CENPO: variants seen among roughly 807,000 people sequenced by gnomAD.
The protein encoded by CENPO is centromeric protein O.
In CENPO, 30 loss-of-function variants were observed where a neutral mutation model predicts 36.1. That is an observed-to-expected ratio of 0.83 (90% CI 0.62 to 1.13). The LOEUF (loss-of-function observed/expected upper bound fraction) is 1.13. CENPO is among the 50% of genes most tolerant of loss of function. The pLI, the probability that CENPO is intolerant of heterozygous loss-of-function variation, is 0.00. For missense variants in CENPO, 349 were observed against 357.8 expected, an observed-to-expected ratio of 0.98 and a Z score of 0.20; for synonymous variants, 171 against 142.3, an observed-to-expected ratio of 1.20 and a Z score of -1.44.
Position 24,802,235 on chromosome 2 carries a change from A to G in CENPO, c.216+2391A>G, listed in dbSNP as rs373605752. 4.2e-3 allele frequency among the ~76,000 whole-genome samples: 642 copies of G among 152,166 alleles called. 11 individuals are homozygous for G. The highest frequency in any genetic ancestry group is 0.01 in the Admixed American group (155 of 15,280). On this transcript the variant is annotated intron_variant, in intron 3 of 7. Coordinates refer to ENST00000380834, the MANE Select transcript of CENPO (RefSeq NM_001322101.2). The stretch of plus-strand genomic sequence containing the variant: ...GCTTAAGGAGATTTTGGGCTGAGAC[A>G]ATGGGGTTTTCTAGATATACAATCA...
rs374613429 is a variant in CENPO, at chr2:24,821,919, T to C, written c.*2601T>C. The C allele has an allele frequency of 8.2e-4, 322 of 392,192 alleles. 2 individuals are homozygous for C. The South Asian group carries it at 0.01, about 12-fold the overall frequency. 24.3% of individuals were successfully genotyped at this position (392,192 alleles called of 1,614,324 possible). Reference sequence around the variant, plus strand: ...ACCCCTTCACCTTGGCTGGGCCTGGTCCTGGTCCTTAGGTTTTGTCAGGTT... The same window carrying C: ...ACCCCTTCACCTTGGCTGGGCCTGGCCCTGGTCCTTAGGTTTTGTCAGGTT... On this transcript the variant is annotated 3_prime_UTR_variant, in exon 8 of 8. Transcript: ENST00000380834.
intron 2 of CENPO, among the ~76,000 whole-genome samples, chr2:24,798,483 T>C (rs1666014156): frequency 6.6e-6 from 1 of 152,142 alleles, no homozygotes. Flanking sequence ...TTTTTTTTTT[T>C]TGAGACGGAG....
chr2:24,803,680 T>G (rs2148264432), intron 3 of CENPO, among the ~76,000 whole-genome samples: 1 of 152,400 alleles, frequency 6.6e-6, no homozygotes, highest in South Asian at 2.1e-4. Context: ...TTGATTGCAC[T>G]GTCGTCTGAG....
At chr2:24,806,971 G>C (rs1382672373) in intron 3 of CENPO, among the ~76,000 whole-genome samples, 1 of 152,190 alleles carries the variant, frequency 6.6e-6, no homozygotes, top group East Asian at 1.9e-4. Context: ...GATTATGACA[G>C]TAGTCTGCCA....
At position 24,817,790 on chromosome 2, in the gene CENPO, T is replaced by G; in HGVS notation, c.887T>G (p.Met296Arg). The G allele has an allele frequency of 6.2e-7, 1 of 1,614,210 alleles. No individual in the cohort carries two copies. The highest frequency in any genetic ancestry group is 1.1e-5 in the South Asian group (1 of 91,084). ...SFTRKGEKLD[M>R]SLVS ...ACAAGAAAAGGAGAAAAGTTGGATA[T>G]GAGTCTGGTCTCCTAATAGATTGTT... Residue 296 changes from methionine to arginine, a missense_variant, in exon 7 of 8, where the codon ATG becomes AGG. Coordinates refer to ENST00000380834, the MANE Select transcript of CENPO (RefSeq NM_001322101.2).
Position 24,815,604 on chromosome 2 carries a change from C to G in CENPO, c.442C>G (p.Leu148Val). The change falls in exon 5 of 8, where the codon CTC becomes GTC. Residue 148 changes from leucine to valine, a missense_variant. Coordinates refer to ENST00000380834, the MANE Select transcript of CENPO (RefSeq NM_001322101.2). Reference sequence around the variant, plus strand: ...TGTGGACCTTGTCATACAGAAACCACTCCGGATACATCACCATTCAGTCCC... The same window carrying G: ...TGTGGACCTTGTCATACAGAAACCAGTCCGGATACATCACCATTCAGTCCC... ...YFVDLVIQKP[L>V]RIHHHSVPVF... The G allele has an allele frequency of 6.2e-7, 1 of 1,614,114 alleles. No homozygotes were observed. Among genetic ancestry groups the G allele is most frequent in the Non-Finnish European group, 8.5e-7 (1 of 1,179,962 alleles).
At position 24,817,578 on chromosome 2, in the gene CENPO, C is replaced by T. The variant is rs1667011608; in HGVS notation, c.767-92C>T. 4 of 1,531,164 alleles carry T rather than the reference C, an allele frequency of 2.6e-6. No homozygotes were observed. The African/African-American group carries it at 4.1e-5, about 16-fold the overall frequency. 94.8% of individuals were successfully genotyped at this position (1,531,164 alleles called of 1,614,324 possible). A position where few individuals can be genotyped will look rare whatever the true frequency, so the allele number is the denominator to read the frequency against. Reference sequence around the variant, plus strand: ...TGTCAGTGATCCAGGCTCCGATTCCCCCAGCTGCACTGAATGAGATTGAAT... The same window carrying T: ...TGTCAGTGATCCAGGCTCCGATTCCTCCAGCTGCACTGAATGAGATTGAAT... On this transcript the variant is annotated intron_variant, in intron 6 of 7. Transcript: ENST00000380834.
intron 6 of CENPO, among the ~76,000 whole-genome samples, 170 bp from the exon 7 acceptor site, chr2:24,817,500 G>C (rs1667004643): frequency 1.4e-5 from 2 of 141,308 alleles, no homozygotes; most frequent in African/African-American, 5.8e-5. Context: ...AGTGGGTCCA[G>C]AATATCAGTG....
intron 1 of CENPO, 145 bp downstream of exon 1, chr2:24,793,646 C>T (rs1558365353): frequency 3.1e-6 from 4 of 1,305,538 alleles, no homozygotes; most frequent in Non-Finnish European, 4.1e-6. Context: ...GGGAGCGCGC[C>T]GGGGCCGCGG....
At chr2:24,815,454 C>T (rs1572744244) in intron 4 of CENPO, 43 bp from the exon 5 acceptor site, 1 of 1,572,956 alleles carries the variant, frequency 6.4e-7, no homozygotes, top group Non-Finnish European at 8.7e-7. Context: ...TAAGACATCA[C>T]CTTGGCCTGC....
chr2:24,803,885 G>C (rs1666263302), intron 3 of CENPO, among the ~76,000 whole-genome samples: 1 of 152,174 alleles, frequency 6.6e-6, no homozygotes. Context: ...GGATATCCTT[G>C]TTAACTTTCT....
At chr2:24,804,529 C>G (rs1372528191) in intron 3 of CENPO, among the ~76,000 whole-genome samples, 1 of 152,076 alleles carries the variant, frequency 6.6e-6, no homozygotes, top group Non-Finnish European at 1.5e-5. Context: ...CTGGTGGTGA[C>G]AAAATCTCTC....
At chr2:24,799,135 T>C (rs542006458) in intron 2 of CENPO, among the ~76,000 whole-genome samples, 1 of 152,150 alleles carries the variant, frequency 6.6e-6, no homozygotes, top group East Asian at 1.9e-4. Context: ...TAGCTGGGAT[T>C]ACAGGCATGC....
chr2:24,815,611 T>C lies in CENPO; in HGVS notation c.449T>C (p.Ile150Thr). Residue 150 changes from isoleucine to threonine, a missense_variant, in exon 5 of 8, where the codon ATA becomes ACA. Physicochemically the swap from Ile to Thr is moderately conservative, Grantham distance 89. Transcript: ENST00000380834. ...CTTGTCATACAGAAACCACTCCGGA[T>C]ACATCACCATTCAGTCCCAGTCTTC... ...VDLVIQKPLR[I>T]HHHSVPVFIP... 2 of 1,614,176 alleles carry C rather than the reference T, an allele frequency of 1.2e-6. No individual in the cohort carries two copies. The highest frequency in any genetic ancestry group is 1.7e-6 in the Non-Finnish European group (2 of 1,180,004).
chr2:24,818,361 A>T (rs1253161461), intron 7 of CENPO, among the ~76,000 whole-genome samples: 1 of 152,148 alleles, frequency 6.6e-6, no homozygotes, highest in Non-Finnish European at 1.5e-5. Context: ...TAATGAAGAT[A>T]ATAAGGAAGA....
chr2:24,822,100 G>C lies in CENPO; in HGVS notation c.*2782G>C. 5.3e-6 allele frequency: 1 copy of C among 189,214 alleles called. No homozygotes were observed. Among genetic ancestry groups the C allele is most frequent in the Admixed American group, 5.5e-5 (1 of 18,302 alleles). The allele number at this position is 189,214 out of a possible 1,614,324, so 11.7% of individuals were successfully genotyped here. A position where few individuals can be genotyped will look rare whatever the true frequency, so the allele number is the denominator to read the frequency against. On this transcript the variant is annotated 3_prime_UTR_variant, in exon 8 of 8. Coordinates refer to ENST00000380834, the MANE Select transcript of CENPO (RefSeq NM_001322101.2). Reference sequence around the variant, plus strand: ...TTTTAAGACCAGAGCTTGGGACCAGGGCTCCTACACCTAATTTTCTCTCCT... The same window carrying C: ...TTTTAAGACCAGAGCTTGGGACCAGCGCTCCTACACCTAATTTTCTCTCCT...
chr2:24,799,328 A>ATTGC (rs1441989050), intron 2 of CENPO, among the ~76,000 whole-genome samples: 1 of 152,060 alleles, frequency 6.6e-6, no homozygotes, highest in Admixed American at 6.5e-5. Flanking sequence ...CCTGTGGTAA[A>ATTGC]GCTAGAGAAT....
At chr2:24,814,075 C>G (rs998169793) in intron 3 of CENPO, among the ~76,000 whole-genome samples, 5 of 152,162 alleles carry the variant, frequency 3.3e-5, no homozygotes, top group African/African-American at 9.7e-5. Context: ...TTGTGTCCAC[C>G]CTGTGCTTAG....
In CENPO at chr2:24,822,300, G is replaced by T; in HGVS notation, c.*2982G>T. On this transcript the variant is annotated 3_prime_UTR_variant, in exon 8 of 8. Transcript: ENST00000380834. Reference sequence around the variant, plus strand: ...CACAACCATCTTAGGCCTGAGCTGTGAACAGCAGGGGGTTGTGTGTCTGTT... The same window carrying T: ...CACAACCATCTTAGGCCTGAGCTGTTAACAGCAGGGGGTTGTGTGTCTGTT... 1 of 617,504 alleles carries T rather than the reference G, an allele frequency of 1.6e-6. No homozygotes were observed. The highest frequency in any genetic ancestry group is 2.7e-6 in the Non-Finnish European group (1 of 373,102). 38.3% of individuals were successfully genotyped at this position (617,504 alleles called of 1,614,324 possible).
Sources: allele counts gnomAD v4.1 joint callset (sites outside exome capture counted in the v4.1 genomes callset), GRCh38; gene constraint gnomAD v4.1.1; transcripts MANE v1.5; gene names NCBI Gene and HGNC (gene_info 2026-07-23, HGNC 2026-07-21).